Variants in RPSA2 observed in about 807,000 individuals in gnomAD.
RPSA2 encodes small ribosomal subunit protein uS2B.
chr19:23,775,339 G>A, the RPSA2 span, among the ~76,000 whole-genome samples: 4 of 152,144 alleles, frequency 2.6e-5, no homozygotes. Context: ...TTATTAATAA[G>A]CCTAGCTTAT....
chr19:23,833,182 C>T, the RPSA2 span: 2 of 1,188,196 alleles, frequency 1.7e-6, no homozygotes, highest in Non-Finnish European at 1.1e-6. Context: ...GTCCTCAGCC[C>T]TAACTAAACA....
At chr19:23,845,242 G>T in the RPSA2 span, among the ~76,000 whole-genome samples, 1 of 123,734 alleles carries the variant, frequency 8.1e-6, no homozygotes, top group South Asian at 3.2e-4. Flanking sequence ...ATAGTTTTTG[G>T]TTTTTATTTC....
chr19:23,820,987 CTG>C, the RPSA2 span, among the ~76,000 whole-genome samples: 2 of 152,174 alleles, frequency 1.3e-5, no homozygotes, highest in African/African-American at 4.8e-5. Context: ...ACCTCATCAA[CTG>C]TGTCTATACA....
chr19:23,784,814 C>T, the RPSA2 span, among the ~76,000 whole-genome samples: 1 of 152,150 alleles, frequency 6.6e-6, no homozygotes, highest in African/African-American at 2.4e-5. Flanking sequence ...GGACTGGTGA[C>T]TCTGAGACCA....
At chr19:23,787,981 CAT>C in the RPSA2 span, among the ~76,000 whole-genome samples, 1 of 152,200 alleles carries the variant, frequency 6.6e-6, no homozygotes, top group Admixed American at 6.5e-5. Flanking sequence ...GGGCCTGGGT[CAT>C]GCTAACAGAA....
At chr19:23,829,422 C>T in the RPSA2 span, among the ~76,000 whole-genome samples, 1 of 152,178 alleles carries the variant, frequency 6.6e-6, no homozygotes, top group Non-Finnish European at 1.5e-5. Flanking sequence ...CTGCCTCAAC[C>T]TCCTGAGTAG....
chr19:23,816,315 T>C, the RPSA2 span, among the ~76,000 whole-genome samples: 1 of 152,252 alleles, frequency 6.6e-6, no homozygotes, highest in South Asian at 2.1e-4. Flanking sequence ...TGTGTATTTT[T>C]GGTTGAGACA....
At chr19:23,823,220 T>C in the RPSA2 span, among the ~76,000 whole-genome samples, 3 of 152,210 alleles carry the variant, frequency 2.0e-5, no homozygotes, top group African/African-American at 7.2e-5. Flanking sequence ...ACATACATGC[T>C]AATCGGGTGG....
the RPSA2 span, among the ~76,000 whole-genome samples, chr19:23,853,266 G>A: frequency 1.3e-5 from 2 of 152,254 alleles, no homozygotes; most frequent in African/African-American, 2.4e-5. Context: ...AGGTATTAAA[G>A]CAGGGGCAGG....
At chr19:23,866,916 C>T in the RPSA2 span, among the ~76,000 whole-genome samples, 1 of 152,110 alleles carries the variant, frequency 6.6e-6, no homozygotes. Context: ...TCACTGTAGT[C>T]CCCAGAGTAG....
the RPSA2 span, chr19:23,832,624 GA>G: frequency 7.1e-7 from 1 of 1,417,892 alleles, no homozygotes; most frequent in South Asian, 1.2e-5. Context: ...TTCATACTGG[GA>G]GAGACCCTAC....
At chr19:23,859,519 C>A in the RPSA2 span, among the ~76,000 whole-genome samples, 33 of 152,156 alleles carry the variant, frequency 2.2e-4, no homozygotes, top group East Asian at 2.1e-3. Flanking sequence ...CCCAGCAACC[C>A]AGGATGCTTA....
the RPSA2 span, among the ~76,000 whole-genome samples, chr19:23,825,478 C>T: frequency 6.6e-6 from 1 of 152,052 alleles, no homozygotes; most frequent in Non-Finnish European, 1.5e-5. Flanking sequence ...TGTTTGTTTT[C>T]CTGTATACAA....
the RPSA2 span, chr19:23,823,611 T>A: frequency 6.6e-6 from 1 of 152,228 alleles, no homozygotes; most frequent in African/African-American, 2.4e-5. Flanking sequence ...TCACTTGGGG[T>A]GTAAGTTTCC....
chr19:23,783,883 G>A, the RPSA2 span, among the ~76,000 whole-genome samples: 1 of 152,246 alleles, frequency 6.6e-6, no homozygotes, highest in East Asian at 1.9e-4. Context: ...CAGCATGCAG[G>A]TGATCTTACT....
At chr19:23,864,939 G>A in the RPSA2 span, among the ~76,000 whole-genome samples, 15 of 152,168 alleles carry the variant, frequency 9.9e-5, no homozygotes, top group South Asian at 1.0e-3. Context: ...TAGAAGCTCA[G>A]GCCCTTCTTC....
the RPSA2 span, among the ~76,000 whole-genome samples, chr19:23,835,156 C>T: frequency 6.6e-6 from 1 of 152,010 alleles, no homozygotes; most frequent in East Asian, 1.9e-4. Flanking sequence ...AAATTATATA[C>T]AAACATGTAA....
chr19:23,768,805 C>G, the RPSA2 span, among the ~76,000 whole-genome samples: 1 of 150,462 alleles, frequency 6.6e-6, no homozygotes, highest in African/African-American at 2.4e-5. Context: ...CCAGGCTGTT[C>G]TCAAACTCCT....
the RPSA2 span, among the ~76,000 whole-genome samples, chr19:23,867,090 A>G: frequency 6.6e-6 from 1 of 152,214 alleles, no homozygotes; most frequent in East Asian, 1.9e-4. Flanking sequence ...GCACAACTAC[A>G]TGCAAAATCT....
Sources: gnomAD v4.1 joint callset for allele counts (sites outside exome capture counted in the v4.1 genomes callset) on GRCh38, gnomAD v4.1.1 for gene constraint, MANE v1.5 for transcripts, NCBI Gene and HGNC (gene_info 2026-07-23, HGNC 2026-07-21) for gene names.